Variants in EED observed in about 807,000 individuals in gnomAD.
EED encodes the protein polycomb protein EED.
A neutral mutation model predicts 61.0 loss-of-function variants in EED; 9 were observed. That is an observed-to-expected ratio of 0.15 (90% CI 0.09 to 0.26). The LOEUF (loss-of-function observed/expected upper bound fraction) is 0.26, where lower values mean the gene tolerates loss of function less well. Ranked by LOEUF, EED falls within the 10% of genes least tolerant of loss-of-function variation. The probability of loss-of-function intolerance (pLI) is 1.00; values close to 1 mark genes in which losing one functional copy is unlikely to be tolerated. For synonymous variants in EED, 187 were observed against 174.4 expected (o/e 1.07, Z -0.57); for missense variants, 315 against 542.3 (o/e 0.58, Z 4.16).
intron 1 of EED, among the ~76,000 whole-genome samples, chr11:86,246,323 A>G (rs1201286006): frequency 1.3e-5 from 2 of 152,266 alleles, no homozygotes; most frequent in South Asian, 4.1e-4. Context: ...CTCATGATAT[A>G]TAACAACTTG....
rs1189372839 is a variant in EED at position 86,258,138 on chromosome 11, G to A, written c.634+542G>A. ...GTAGGCCCCAGTGTATGGACAGATAGTGTTCTAAGGAAATAAAGCCAAATT... is the reference window on the plus strand; with the variant it reads ...GTAGGCCCCAGTGTATGGACAGATAATGTTCTAAGGAAATAAAGCCAAATT... On this transcript the variant is annotated intron_variant, in intron 6 of 11. Transcript: ENST00000263360. 3.3e-5 allele frequency among the ~76,000 whole-genome samples: 5 copies of A among 150,534 alleles called. No homozygotes were observed. The East Asian group carries it at 9.7e-4, about 29-fold the overall frequency.
intron 5 of EED, 93 bp from the exon 6 acceptor site, chr11:86,257,422 A>T: frequency 2.2e-6 from 2 of 915,486 alleles, no homozygotes; most frequent in Non-Finnish European, 3.1e-6. Context: ...CCACTACTTT[A>T]AGTGAAACTA....
chr11:86,280,899 G>C (rs1946316074), downstream of EED, among the ~76,000 whole-genome samples: 2 of 152,126 alleles, frequency 1.3e-5, no homozygotes, highest in African/African-American at 4.8e-5. Context: ...TTTGTCAAAT[G>C]CTTTTTCTGC....
intron 8 of EED, 41 bp downstream of exon 8, chr11:86,266,257 T>C: frequency 6.6e-7 from 1 of 1,517,660 alleles, no homozygotes; most frequent in Non-Finnish European, 8.9e-7. Context: ...TATGTTGTGC[T>C]ATTGAATATA....
the EED span, among the ~76,000 whole-genome samples, chr11:86,286,924 A>G: frequency 6.9e-6 from 1 of 144,890 alleles, no homozygotes; most frequent in South Asian, 2.3e-4. Context: ...GTGAGCCAAG[A>G]TAGCGCCACT....
intron 9 of EED, among the ~76,000 whole-genome samples, chr11:86,274,367 C>T (rs1946182971): frequency 6.6e-6 from 1 of 152,046 alleles, no homozygotes. Context: ...CTTTTTAAAG[C>T]TGATTTTTGT....
At chr11:86,278,123 A>C in intron 11 of EED, 132 bp downstream of exon 11, 1 of 1,366,584 alleles carries the variant, frequency 7.3e-7, no homozygotes, top group East Asian at 2.6e-5. Context: ...TTCAGAGTTA[A>C]AGTTATTCTT....
intron 9 of EED, chr11:86,276,292 G>A (rs1383314703): frequency 6.6e-6 from 1 of 152,148 alleles, no homozygotes; most frequent in Non-Finnish European, 1.5e-5. Flanking sequence ...ATACAAATTT[G>A]ATTTTATAGG....
the EED span, among the ~76,000 whole-genome samples, chr11:86,287,533 T>C: frequency 3.9e-5 from 6 of 152,128 alleles, 1 homozygote; most frequent in Admixed American, 3.9e-4. Flanking sequence ...AATTGTTGGG[T>C]GATTTCTCTT....
At chr11:86,267,102 C>T (rs1299501289) in intron 8 of EED, among the ~76,000 whole-genome samples, 1 of 152,054 alleles carries the variant, frequency 6.6e-6, no homozygotes, top group East Asian at 1.9e-4. Context: ...TTCTAGATAT[C>T]TGGAATAAAT....
chr11:86,256,163 A>G (rs746741119), intron 4 of EED, among the ~76,000 whole-genome samples: 3 of 152,220 alleles, frequency 2.0e-5, no homozygotes, highest in Non-Finnish European at 4.4e-5. Context: ...TAGTTGTACA[A>G]GCAGCTAAAG....
downstream of EED, among the ~76,000 whole-genome samples, chr11:86,283,428 A>G (rs1565709190): frequency 6.6e-6 from 1 of 152,112 alleles, no homozygotes. Flanking sequence ...CACCTACTAT[A>G]CTGCGTAATT....
chr11:86,267,191 T>C (rs1946001425), intron 8 of EED, among the ~76,000 whole-genome samples: 1 of 152,224 alleles, frequency 6.6e-6, no homozygotes, highest in Admixed American at 6.5e-5. Context: ...CATACAATTA[T>C]AGTATGTATT....
intron 5 of EED, among the ~76,000 whole-genome samples, chr11:86,257,066 C>G (rs1198741073): frequency 3.1e-4 from 47 of 150,550 alleles, no homozygotes; most frequent in African/African-American, 1.0e-3. Flanking sequence ...GAGACAGATT[C>G]TGACTCCTTT....
At chr11:86,246,118 T>C (rs2045439574) in intron 1 of EED, among the ~76,000 whole-genome samples, 1 of 152,230 alleles carries the variant, frequency 6.6e-6, no homozygotes, top group Non-Finnish European at 1.5e-5. Flanking sequence ...TCAGATTTTT[T>C]TAAGCTCTGA....
At chr11:86,280,520 A>G (rs551676337), downstream of EED, among the ~76,000 whole-genome samples, 7 of 152,324 alleles carry the variant, frequency 4.6e-5, no homozygotes, top group African/African-American at 1.4e-4. Context: ...TTTTCACTCA[A>G]GTGATCTCAA....
chr11:86,265,533 A>G (rs1410954854), intron 7 of EED: 1 of 152,206 alleles, frequency 6.6e-6, no homozygotes, highest in Non-Finnish European at 1.5e-5. Flanking sequence ...AAAATTAGTA[A>G]ACAGCAAATG....
chr11:86,253,951 G>A (rs1423842709), intron 3 of EED, among the ~76,000 whole-genome samples: 1 of 148,322 alleles, frequency 6.7e-6, no homozygotes, highest in South Asian at 2.1e-4. Context: ...GGGAGGCTGA[G>A]GCAGGAGGAT....
chr11:86,274,430 T>C (rs1946184046), intron 9 of EED, among the ~76,000 whole-genome samples: 1 of 152,220 alleles, frequency 6.6e-6, no homozygotes. Flanking sequence ...GATTTTTGAT[T>C]GAAACCTGGG....
Sources: allele counts gnomAD v4.1 joint callset (sites outside exome capture counted in the v4.1 genomes callset), GRCh38; gene constraint gnomAD v4.1.1; transcripts MANE v1.5; gene names NCBI Gene and HGNC (gene_info 2026-07-23, HGNC 2026-07-21).